The following TRMT44 variants were observed in gnomAD, a reference collection of about 807,000 sequenced individuals.
TRMT44 encodes tRNA methyltransferase 44 homolog.
A neutral mutation model predicts 77.3 loss-of-function variants in TRMT44; 78 were observed. The ratio of observed to expected loss-of-function variants is 1.01; its 90% CI spans 0.84 to 1.22. TRMT44 has a LOEUF of 1.22. Among genes scored for constraint, TRMT44 ranks in the 50% most tolerant of loss-of-function variants. TRMT44 has a pLI of 0.00. For missense variants in TRMT44, 1,090 were observed against 964.4 expected (o/e 1.13, Z -1.73); for synonymous variants, 391 against 383.3 (o/e 1.02, Z -0.23).
intron 2 of TRMT44, among the ~76,000 whole-genome samples, chr4:8,489,937 C>T (rs1727943435): frequency 6.6e-6 from 1 of 152,140 alleles, no homozygotes; most frequent in Non-Finnish European, 1.5e-5. Flanking sequence ...ATGCAACTTC[C>T]CCAATTACTC....
chr4:8,500,381 A>T, the TRMT44 span, among the ~76,000 whole-genome samples: 1 of 149,596 alleles, frequency 6.7e-6, no homozygotes, highest in Non-Finnish European at 1.5e-5. Flanking sequence ...AATCGCAGCT[A>T]CTCAGGAGGC....
intron 10 of TRMT44, among the ~76,000 whole-genome samples, chr4:8,471,468 G>A (rs1457267510): frequency 6.6e-6 from 1 of 152,224 alleles, no homozygotes; most frequent in Non-Finnish European, 1.5e-5. Context: ...GCTTGCTGAC[G>A]CCTCAGCTCC....
Position 8,445,748 on chromosome 4 carries a change from G to T in TRMT44, c.620-728G>T, listed in dbSNP as rs547208645. ...CCCCTTCAGCCTCTGCTTCCTTTTG[G>T]CAGGTCTTGTTCTTTCATCTGCTGT... On this transcript the variant is annotated intron_variant, in intron 1 of 10. Coordinates refer to ENST00000389737, the MANE Select transcript of TRMT44 (RefSeq NM_152544.3). Among the ~76,000 whole-genome samples the T allele has an allele frequency of 4.5e-4, 68 of 152,296 alleles. 1 individual carries two copies. In the South Asian group the frequency reaches 0.014, roughly 32 times the overall value.
At chr4:8,515,448 A>G in the TRMT44 span, among the ~76,000 whole-genome samples, 1 of 152,360 alleles carries the variant, frequency 6.6e-6, no homozygotes, top group East Asian at 1.9e-4. Flanking sequence ...TGGCATCCAC[A>G]GCATTTCCTG....
At chr4:8,484,214 G>T (rs1727732456) in intron 2 of TRMT44, among the ~76,000 whole-genome samples, 1 of 152,302 alleles carries the variant, frequency 6.6e-6, no homozygotes, top group Non-Finnish European at 1.5e-5. Context: ...GGGAAATGGG[G>T]TGAACGTCAG....
In TRMT44 at chr4:8,467,989, AT is replaced by A; in HGVS notation, c.1572del (p.Lys525ArgfsTer8). On this transcript the variant is annotated frameshift_variant, in exon 9 of 11. Coordinates refer to ENST00000389737, the MANE Select transcript of TRMT44 (RefSeq NM_152544.3). LOFTEE classifies it high-confidence loss of function. ...ASVDEKRTQY[I>X]KSRRGCPVSP... is the part of the protein sequence containing the mutation. ...CGTGGATGAAAAGAGGACTCAGTACATTAAGAGCAGGCGGGGCTGCCCTGTA... is the reference window on the plus strand; with the variant it reads ...CGTGGATGAAAAGAGGACTCAGTACATAAGAGCAGGCGGGGCTGCCCTGTA... 1 of 1,614,188 alleles carries A rather than the reference AT, an allele frequency of 6.2e-7. No homozygotes were observed. The highest frequency in any genetic ancestry group is 1.1e-5 in the South Asian group (1 of 91,080).
downstream of TRMT44, among the ~76,000 whole-genome samples, chr4:8,494,101 A>G (rs540326966): frequency 6.6e-6 from 1 of 151,514 alleles, no homozygotes; most frequent in Non-Finnish European, 1.5e-5. Flanking sequence ...AAAGTGTGAA[A>G]GGAAAATCAA....
At chr4:8,470,778 A>G (rs1726925456) in intron 9 of TRMT44, 2 of 206,948 alleles carry the variant, frequency 9.7e-6, no homozygotes, top group East Asian at 1.1e-4. Flanking sequence ...ATGGGTCACC[A>G]GTGAGAAGAG....
Position 8,452,504 on chromosome 4 carries a change from G to A in TRMT44, c.1024-378G>A, listed in dbSNP as rs1725517576. Among the ~76,000 whole-genome samples the A allele has an allele frequency of 6.6e-6, 1 of 152,242 alleles. No homozygotes were observed. On this transcript the variant is annotated intron_variant, in intron 4 of 10. Transcript: ENST00000389737. The surrounding 1 kb of genome is among the most constrained non-coding windows in gnomAD (Gnocchi z 5.7). Reference sequence around the variant, plus strand: ...ATTCCCAGCACTTCGGGAGGCCGAGGCGGGCAGATCACTTGAGGTCAGGAG... The same window carrying A: ...ATTCCCAGCACTTCGGGAGGCCGAGACGGGCAGATCACTTGAGGTCAGGAG...
intron 6 of TRMT44, among the ~76,000 whole-genome samples, chr4:8,460,654 A>G (rs890576022): frequency 2.0e-5 from 3 of 151,678 alleles, no homozygotes; most frequent in Non-Finnish European, 4.4e-5. Flanking sequence ...CCCAGGTTCA[A>G]GGGATTCTTG....
chr4:8,484,885 G>A (rs1483515261), intron 2 of TRMT44, among the ~76,000 whole-genome samples: 1 of 152,204 alleles, frequency 6.6e-6, no homozygotes, highest in Non-Finnish European at 1.5e-5. Flanking sequence ...GCGGCAGGGA[G>A]AGCACAGGTG....
chr4:8,507,942 T>C, the TRMT44 span, among the ~76,000 whole-genome samples: 1 of 152,242 alleles, frequency 6.6e-6, no homozygotes, highest in East Asian at 1.9e-4. Context: ...GTTTCGCTTT[T>C]GTTGCCCAGG....
Position 8,451,945 on chromosome 4 carries a change from T to C in TRMT44, c.955-15T>C. The C allele has an allele frequency of 6.5e-7, 1 of 1,536,446 alleles. No individual in the cohort carries two copies. Among genetic ancestry groups the C allele is most frequent in the East Asian group, 2.4e-5 (1 of 40,916 alleles). On this transcript the variant is annotated splice_polypyrimidine_tract_variant and intron_variant, in intron 3 of 10. Coordinates refer to ENST00000389737, the MANE Select transcript of TRMT44 (RefSeq NM_152544.3). This position sits in a 1 kb window ranked among gnomAD's most constrained non-coding sequence, Gnocchi z 4.1. The stretch of plus-strand genomic sequence containing the variant: ...GAAACCGAACAATTTATGTTTGCTC[T>C]TGAAACTGTTTTAGGTGTGGCCTGA...
rs1725416591 is a variant in TRMT44 at position 8,451,034 on chromosome 4, C to T, written c.955-926C>T. Among the ~76,000 whole-genome samples the T allele has an allele frequency of 6.6e-6, 1 of 152,106 alleles. No individual in the cohort carries two copies. Among genetic ancestry groups the T allele is most frequent in the Non-Finnish European group, 1.5e-5 (1 of 68,018 alleles). The stretch of plus-strand genomic sequence containing the variant: ...CTGCCTGCTTTGGCCTCCTAAAGTG[C>T]TTGGATTACAGGCTTGAGCCACTGC... On this transcript the variant is annotated intron_variant, in intron 3 of 10. Coordinates refer to ENST00000389737, the MANE Select transcript of TRMT44 (RefSeq NM_152544.3). The surrounding 1 kb of genome is among the most constrained non-coding windows in gnomAD (Gnocchi z 4.1).
chr4:8,515,266 T>G, the TRMT44 span, among the ~76,000 whole-genome samples: 1 of 152,156 alleles, frequency 6.6e-6, no homozygotes, highest in African/African-American at 2.4e-5. Flanking sequence ...TGCACCTGGC[T>G]TCACTTATTT....
chr4:8,473,891 G>A (rs951397067), intron 10 of TRMT44, among the ~76,000 whole-genome samples: 1 of 152,138 alleles, frequency 6.6e-6, no homozygotes, highest in Non-Finnish European at 1.5e-5. Flanking sequence ...ACGGGGAGTG[G>A]GTCAGTGAGG....
chr4:8,491,991 G>A (rs1320982785), intron 2 of TRMT44, among the ~76,000 whole-genome samples: 3 of 152,244 alleles, frequency 2.0e-5, no homozygotes, highest in Admixed American at 2.0e-4. Flanking sequence ...CTCCCACATG[G>A]CGTGGCCACC....
At chr4:8,511,991 T>C in the TRMT44 span, 3 of 152,226 alleles carry the variant, frequency 2.0e-5, no homozygotes, top group African/African-American at 7.2e-5. Context: ...ATCCCTTTAA[T>C]ACACTTTGTC....
chr4:8,490,660 A>T (rs1393652416), intron 2 of TRMT44, among the ~76,000 whole-genome samples: 1 of 152,188 alleles, frequency 6.6e-6, no homozygotes, highest in Non-Finnish European at 1.5e-5. Context: ...GTTACAGCTC[A>T]TAAAAGCAGC....
Sources: gnomAD v4.1 joint callset for allele counts (sites outside exome capture counted in the v4.1 genomes callset) on GRCh38, gnomAD v4.1.1 for gene constraint, Gnocchi (gnomAD v3.1) non-coding constraint, MANE v1.5 for transcripts, NCBI Gene and HGNC (gene_info 2026-07-23, HGNC 2026-07-21) for gene names.